The following SUPT3H variants were observed in gnomAD, a reference collection of about 807,000 sequenced individuals.
SUPT3H encodes transcription initiation protein SPT3 homolog.
A neutral mutation model predicts 44.3 loss-of-function variants in SUPT3H; 44 were observed. The ratio of observed to expected loss-of-function variants is 0.99; its 90% CI spans 0.78 to 1.28. The LOEUF is 1.28. Among genes scored for constraint, SUPT3H ranks in the 50% most tolerant of loss-of-function variants. The probability of loss-of-function intolerance (pLI) is 0.00; values close to 1 mark genes in which losing one functional copy is unlikely to be tolerated. For missense variants in SUPT3H, 380 were observed against 387.1 expected, an observed-to-expected ratio of 0.98 and a Z score of 0.15; for synonymous variants, 124 against 125.6, an observed-to-expected ratio of 0.99 and a Z score of 0.09.
intron 2 of SUPT3H, among the ~76,000 whole-genome samples, chr6:45,283,396 C>T (rs892307955): frequency 6.6e-6 from 1 of 151,958 alleles, no homozygotes; most frequent in African/African-American, 2.4e-5. Flanking sequence ...GGAAGATCTA[C>T]CAAGCAAATG....
chr6:44,999,532 C>CA (rs1282389960), intron 6 of SUPT3H, among the ~76,000 whole-genome samples: 2 of 152,054 alleles, frequency 1.3e-5, no homozygotes, highest in Admixed American at 6.6e-5. Flanking sequence ...GCTACAGCCC[C>CA]ACCAAACCTC....
intron 2 of SUPT3H, chr6:45,159,204 T>A (rs1050297261): frequency 3.3e-5 from 5 of 152,198 alleles, no homozygotes; most frequent in African/African-American, 1.2e-4. Context: ...GTACTTAACT[T>A]ACTGTCAATG....
rs79357927 is a variant in SUPT3H, at chr6:45,254,729, T to C, written c.101+110472A>G. On this transcript the variant is annotated intron_variant, in intron 2 of 10. Transcript: ENST00000371459. ...TCCAACTCTAAAAAATTCCTTCCTC[T>C]GCTCCCCATTATCCAAGTTTCACTT... is the stretch of plus-strand genomic sequence containing the variant. 6.3e-3 allele frequency among the ~76,000 whole-genome samples: 952 copies of C among 152,312 alleles called. 13 individuals carry two copies. Among genetic ancestry groups the C allele is most frequent in the African/African-American group, 0.022 (910 of 41,560 alleles).
Position 44,827,786 on chromosome 6 carries a change from C to T in SUPT3H, c.*2030G>A, listed in dbSNP as rs1039211980. On this transcript the variant is annotated 3_prime_UTR_variant, in exon 11 of 11. Coordinates refer to ENST00000371459, the MANE Select transcript of SUPT3H (RefSeq NM_003599.4). ...GACATGTAGGCTGGTTCAGGACAGACATAAATGACCTTGCTTTATTCTAAA... is the reference window on the plus strand; with the variant it reads ...GACATGTAGGCTGGTTCAGGACAGATATAAATGACCTTGCTTTATTCTAAA... Among the ~76,000 whole-genome samples, 13 of 152,028 alleles carry T rather than the reference C, an allele frequency of 8.6e-5. No individual in the cohort carries two copies. Among genetic ancestry groups the T allele is most frequent in the Non-Finnish European group, 4.4e-5 (3 of 67,976 alleles).
At chr6:45,073,433 A>T (rs1562399934) in intron 3 of SUPT3H, among the ~76,000 whole-genome samples, 1 of 152,064 alleles carries the variant, frequency 6.6e-6, no homozygotes, top group Non-Finnish European at 1.5e-5. Context: ...AAAGCTTAAT[A>T]AAGATAAAAA....
chr6:45,207,330 G>A (rs1459520455), intron 2 of SUPT3H, among the ~76,000 whole-genome samples: 1 of 152,160 alleles, frequency 6.6e-6, no homozygotes, highest in Non-Finnish European at 1.5e-5. Context: ...AAAGGTCAGT[G>A]GTGAACCTGA....
intron 2 of SUPT3H, among the ~76,000 whole-genome samples, chr6:45,124,729 T>TA (rs1303687234): frequency 2.6e-5 from 4 of 151,786 alleles, no homozygotes; most frequent in Admixed American, 2.0e-4. Flanking sequence ...AAAATAATAA[T>TA]AAAAAAACTG....
chr6:44,982,244 G>A (rs2153490493), intron 6 of SUPT3H, among the ~76,000 whole-genome samples: 1 of 151,860 alleles, frequency 6.6e-6, no homozygotes, highest in South Asian at 2.1e-4. Flanking sequence ...TTTTTTTTGA[G>A]ATGGAGTCTC....
chr6:45,125,938 ATT>A (rs561320493), intron 2 of SUPT3H, among the ~76,000 whole-genome samples: 1 of 151,720 alleles, frequency 6.6e-6, no homozygotes, highest in African/African-American at 2.4e-5. Context: ...TATCCCATCC[ATT>A]TTTTTTCAGA....
At chr6:45,092,567 T>C (rs1583491372) in intron 3 of SUPT3H, among the ~76,000 whole-genome samples, 2 of 151,880 alleles carry the variant, frequency 1.3e-5, no homozygotes, top group African/African-American at 4.8e-5. Flanking sequence ...CTGGCCAACA[T>C]GGTGAAACCC....
chr6:45,209,433 T>G (rs1342955099), intron 2 of SUPT3H, among the ~76,000 whole-genome samples: 1 of 152,188 alleles, frequency 6.6e-6, no homozygotes, highest in East Asian at 1.9e-4. Flanking sequence ...GAAGCTGATT[T>G]CAGCGCTCAT....
intron 2 of SUPT3H, among the ~76,000 whole-genome samples, chr6:45,336,881 C>T (rs1157806113): frequency 1.3e-5 from 2 of 151,476 alleles, no homozygotes; most frequent in South Asian, 2.1e-4. Context: ...GATCCAGAAA[C>T]ATCTTAAATG....
At chr6:45,097,040 G>T (rs1797885332) in intron 3 of SUPT3H, among the ~76,000 whole-genome samples, 1 of 152,156 alleles carries the variant, frequency 6.6e-6, no homozygotes, top group South Asian at 2.1e-4. Flanking sequence ...CATCAGTCTT[G>T]TGGAACTTGT....
chr6:44,837,450 G>A (rs1165756158), intron 10 of SUPT3H, among the ~76,000 whole-genome samples: 1 of 152,130 alleles, frequency 6.6e-6, no homozygotes, highest in Non-Finnish European at 1.5e-5. Context: ...ATTAGAGCAG[G>A]GGCTGGATAG....
At chr6:45,325,908 C>CCT (rs1281568800) in intron 2 of SUPT3H, among the ~76,000 whole-genome samples, 1 of 151,692 alleles carries the variant, frequency 6.6e-6, no homozygotes, top group East Asian at 1.9e-4. Context: ...GAAAAAAATT[C>CCT]ATGTGGATAA....
At chr6:45,321,718 G>C (rs1444866521) in intron 2 of SUPT3H, 3 of 998,268 alleles carry the variant, frequency 3.0e-6, no homozygotes, top group Non-Finnish European at 4.6e-6. Context: ...CAATCTATTT[G>C]TATCTAATAC....
rs560250872 is a variant in SUPT3H at position 45,128,389 on chromosome 6, C to G, written c.102-22383G>C. ...GCATGGTGGCATGTGCCTGTAGTCT[C>G]AGCTACTCAGGAGGCTGAGGCAGGG... On this transcript the variant is annotated intron_variant, in intron 2 of 10. Transcript: ENST00000371459. Among the ~76,000 whole-genome samples the G allele has an allele frequency of 1.8e-3, 276 of 149,394 alleles. 1 individual carries two copies. Among genetic ancestry groups the G allele is most frequent in the African/African-American group, 6.6e-3 (269 of 40,642 alleles).
intron 2 of SUPT3H, among the ~76,000 whole-genome samples, chr6:45,261,610 T>C (rs1453913632): frequency 1.3e-5 from 2 of 152,164 alleles, no homozygotes; most frequent in Middle Eastern, 3.4e-3. Flanking sequence ...GGCAAACCCA[T>C]AGCCATCATC....
At chr6:45,155,430 G>C (rs935246350) in intron 2 of SUPT3H, among the ~76,000 whole-genome samples, 3 of 152,172 alleles carry the variant, frequency 2.0e-5, no homozygotes, top group African/African-American at 7.2e-5. Flanking sequence ...GTGGGCAGCA[G>C]TGACGGTCAA....
Sources: allele counts gnomAD v4.1 joint callset (sites outside exome capture counted in the v4.1 genomes callset), GRCh38; gene constraint gnomAD v4.1.1; transcripts MANE v1.5; gene names NCBI Gene and HGNC (gene_info 2026-07-23, HGNC 2026-07-21).